EPYC: variants seen among roughly 807,000 people sequenced by gnomAD.
EPYC encodes the protein dermatan sulfate proteoglycan 3.
A neutral mutation model predicts 30.1 loss-of-function variants in EPYC; 28 were observed. The observed-to-expected ratio is 0.93, with a 90% CI of 0.69 to 1.28. The LOEUF (loss-of-function observed/expected upper bound fraction) is 1.28. Among genes scored for constraint, EPYC ranks in the 50% most tolerant of loss-of-function variants. The pLI is 0.00. For missense variants in EPYC, 382 were observed against 383.5 expected (o/e 1.00, Z 0.03); for synonymous variants, 144 against 141.4 (o/e 1.02, Z -0.13).
intron 2 of EPYC, among the ~76,000 whole-genome samples, chr12:90,988,169 T>C (rs910830405): frequency 1.3e-5 from 2 of 151,980 alleles, no homozygotes; most frequent in Non-Finnish European, 2.9e-5. Flanking sequence ...AGGCCAGAGA[T>C]AGTCATATTA....
At chr12:90,964,578 A>G (rs11105887) in intron 6 of EPYC, among the ~76,000 whole-genome samples, 10,625 of 152,258 alleles carry the variant, frequency 0.07, 622 homozygotes, top group South Asian at 0.2. Flanking sequence ...TGAAAGAAAA[A>G]CAAGTTATTT....
Position 90,972,925 on chromosome 12 carries a change from G to A in EPYC, c.396C>T (p.Asp132=). The A allele has an allele frequency of 6.2e-7, 1 of 1,612,482 alleles. No individual in the cohort carries two copies. The highest frequency in any genetic ancestry group is 8.5e-7 in the Non-Finnish European group (1 of 1,178,642). The change falls in exon 4 of 7, where the codon GAC becomes GAT. Residue 132 remains aspartate, a synonymous_variant. Coordinates refer to ENST00000261172, the MANE Select transcript of EPYC (RefSeq NM_004950.5). ...GCGGAGGAATAGCATCAAGTTCATG[G>A]TCATCACAGTACACGGTGGTACTTA... ...TCISTTVYCD[D]HELDAIPPLP... is the part of the protein sequence containing the mutation.
At chr12:90,976,188 G>A (rs1290867411) in intron 3 of EPYC, among the ~76,000 whole-genome samples, 1 of 152,088 alleles carries the variant, frequency 6.6e-6, no homozygotes, top group Non-Finnish European at 1.5e-5. Flanking sequence ...AGGAAATGGG[G>A]AGTTGTTCAA....
intron 2 of EPYC, among the ~76,000 whole-genome samples, chr12:90,985,094 A>G (rs140815300): frequency 1.5e-3 from 225 of 152,258 alleles, no homozygotes; most frequent in African/African-American, 5.1e-3. Context: ...CTGGAAAGGG[A>G]CAAATTCCTT....
chr12:90,971,696 A>AAATAAATAAAT, intron 5 of EPYC, 104 bp downstream of exon 5: 1 of 373,668 alleles, frequency 2.7e-6, no homozygotes, highest in South Asian at 1.2e-4. Context: ...ATAAATAAAT[A>AAATAAATAAAT]AATAAATAAA....
At chr12:90,994,717 A>G (rs1191934820) in intron 2 of EPYC, among the ~76,000 whole-genome samples, 1 of 152,168 alleles carries the variant, frequency 6.6e-6, no homozygotes, top group Non-Finnish European at 1.5e-5. Flanking sequence ...GTCAATTCCT[A>G]TTGAGAAAGC....
At chr12:90,975,683 G>A (rs1877163288) in intron 3 of EPYC, among the ~76,000 whole-genome samples, 1 of 151,964 alleles carries the variant, frequency 6.6e-6, no homozygotes, top group Non-Finnish European at 1.5e-5. Context: ...CAACATACAG[G>A]TACTGATACA....
intron 5 of EPYC, among the ~76,000 whole-genome samples, 191 bp from the exon 6 acceptor site, chr12:90,970,330 T>A (rs920557872): frequency 1.3e-5 from 2 of 152,206 alleles, no homozygotes; most frequent in African/African-American, 4.8e-5. Flanking sequence ...CAGATGAGTT[T>A]TGGAAAAATT....
chr12:90,971,874 GC>G lies in EPYC; in HGVS notation c.627del (p.Leu209PhefsTer5). On this transcript the variant is annotated frameshift_variant, in exon 5 of 7. Coordinates refer to ENST00000261172, the MANE Select transcript of EPYC (RefSeq NM_004950.5). LOFTEE classifies it high-confidence loss of function. ...RDNKIRQLPE[L>X]PTTLTFIDIS... The stretch of plus-strand genomic sequence containing the variant: ...ATATCAATAAATGTCAAAGTGGTTG[GC>G]AATTCTGGGAGCTGCCTTATTTTGT... 6.2e-7 allele frequency: 1 copy of G among 1,611,858 alleles called. No homozygotes were observed. The highest frequency in any genetic ancestry group is 8.5e-7 in the Non-Finnish European group (1 of 1,179,060).
At chr12:90,981,434 A>G (rs893433954) in intron 2 of EPYC, among the ~76,000 whole-genome samples, 5 of 152,156 alleles carry the variant, frequency 3.3e-5, no homozygotes, top group Admixed American at 6.6e-5. Context: ...TATTTGTGTT[A>G]TTATTAAAAA....
intron 6 of EPYC, among the ~76,000 whole-genome samples, chr12:90,967,596 G>A (rs1210922576): frequency 3.3e-5 from 5 of 152,080 alleles, no homozygotes; most frequent in Admixed American, 6.6e-5. Flanking sequence ...ATGTTCTGTC[G>A]ATGACTGTTA....
chr12:90,971,305 G>T (rs996536422), intron 5 of EPYC, among the ~76,000 whole-genome samples: 1 of 152,084 alleles, frequency 6.6e-6, no homozygotes, highest in African/African-American at 2.4e-5. Context: ...CCAGAATATG[G>T]TGTTTCTCAG....
chr12:90,994,316 T>A (rs1359694935), intron 2 of EPYC, among the ~76,000 whole-genome samples: 1 of 152,174 alleles, frequency 6.6e-6, no homozygotes, highest in East Asian at 1.9e-4. Context: ...ATGGTAAAGT[T>A]ACTTGCATTT....
At chr12:91,003,696 C>G (rs1440831412) in intron 1 of EPYC, among the ~76,000 whole-genome samples, 1 of 152,006 alleles carries the variant, frequency 6.6e-6, no homozygotes, top group African/African-American at 2.4e-5. Flanking sequence ...TCAAGCATGT[C>G]TAATTTTAGA....
intron 2 of EPYC, among the ~76,000 whole-genome samples, chr12:90,998,530 A>G (rs1877748549): frequency 1.3e-5 from 2 of 152,142 alleles, no homozygotes; most frequent in African/African-American, 4.8e-5. Flanking sequence ...AGGAGGCAAT[A>G]AATCTACCAC....
At chr12:90,996,089 G>A (rs1404245648) in intron 2 of EPYC, among the ~76,000 whole-genome samples, 4 of 151,778 alleles carry the variant, frequency 2.6e-5, no homozygotes, top group African/African-American at 9.7e-5. Context: ...ATAAAGATAA[G>A]TATTGCATAT....
intron 2 of EPYC, among the ~76,000 whole-genome samples, chr12:90,993,577 G>T (rs964524222): frequency 6.6e-6 from 1 of 151,826 alleles, no homozygotes; most frequent in African/African-American, 2.4e-5. Context: ...ATACAAAATG[G>T]TTTCAATTTT....
At chr12:90,990,769 C>T (rs1357614380) in intron 2 of EPYC, among the ~76,000 whole-genome samples, 1 of 152,050 alleles carries the variant, frequency 6.6e-6, no homozygotes, top group Non-Finnish European at 1.5e-5. Flanking sequence ...TATATTAGCT[C>T]TCATGAGTTT....
chr12:90,974,061 CA>C (rs1877122147), intron 3 of EPYC, among the ~76,000 whole-genome samples: 1 of 150,394 alleles, frequency 6.6e-6, no homozygotes, highest in Non-Finnish European at 1.5e-5. Context: ...CACACACACA[CA>C]CACACACACA....
Sources: allele counts gnomAD v4.1 joint callset (sites outside exome capture counted in the v4.1 genomes callset), GRCh38; gene constraint gnomAD v4.1.1; transcripts MANE v1.5; gene names NCBI Gene and HGNC (gene_info 2026-07-23, HGNC 2026-07-21).